Variants in FADS3 observed in about 807,000 individuals in gnomAD.
The protein encoded by FADS3 is cytochrome b5-related protein.
FADS3 carries 30 observed loss-of-function variants against 60.4 expected under a neutral mutation model. The ratio of observed to expected loss-of-function variants is 0.50; its 90% CI spans 0.37 to 0.67. The LOEUF (loss-of-function observed/expected upper bound fraction) is 0.67. Among genes scored for constraint, FADS3 ranks in the 30% least tolerant of loss-of-function variants. The probability of loss-of-function intolerance (pLI) is 0.00; values close to 1 mark genes in which losing one functional copy is unlikely to be tolerated. For synonymous variants in FADS3, 234 were observed against 249.3 expected (o/e 0.94, Z 0.58); for missense variants, 432 against 598.3 (o/e 0.72, Z 2.90).
intron 2 of FADS3, 62 bp from the exon 3 acceptor site, chr11:61,879,571 G>T: frequency 1.4e-5 from 21 of 1,487,722 alleles, no homozygotes; most frequent in Non-Finnish European, 1.9e-5. Context: ...CATTCTCCTG[G>T]AGCCCCAGCC....
chr11:61,878,479 A>G, intron 5 of FADS3, 33 bp downstream of exon 5: 1 of 1,607,186 alleles, frequency 6.2e-7, no homozygotes, highest in Non-Finnish European at 8.5e-7. Flanking sequence ...CTGCAGGCCC[A>G]GCCAGAGGTT....
Position 61,879,571 on chromosome 11 carries a change from G to A in FADS3, c.325-62C>T. The stretch of plus-strand genomic sequence containing the variant: ...ATTCCTCCCCACCCCCATTCTCCTG[G>A]AGCCCCAGCCGCTCCTCCCATCGCC... On this transcript the variant is annotated intron_variant, in intron 2 of 11. Coordinates refer to ENST00000278829, the MANE Select transcript of FADS3 (RefSeq NM_021727.5). The A allele has an allele frequency of 3.4e-6, 5 of 1,487,722 alleles. No homozygotes were observed. The South Asian group carries it at 4.8e-5, about 14-fold the overall frequency. 92.2% of individuals were successfully genotyped at this position (1,487,722 alleles called of 1,614,324 possible).
At position 61,876,139 on chromosome 11, in the gene FADS3, C is replaced by T. The variant is rs1453440729; in HGVS notation, c.1132G>A (p.Gly378Arg). 3.7e-6 allele frequency: 6 copies of T among 1,609,870 alleles called. No individual in the cohort carries two copies. Among genetic ancestry groups the T allele is most frequent in the African/African-American group, 2.7e-5 (2 of 74,992 alleles). Residue 378 changes from glycine to arginine, a missense_variant, in exon 10 of 12, where the codon GGG becomes AGG. By Grantham distance (125) the Gly-to-Arg change is moderately radical (BLOSUM62 -2). Transcript: ENST00000278829. The surrounding 1 kb of genome is among the most constrained non-coding windows in gnomAD (Gnocchi z 5.7). Reference protein sequence around the residue: ...EPSLFTNWFSGHLNFQIEHHL... With the variant: ...EPSLFTNWFSRHLNFQIEHHL... The stretch of plus-strand genomic sequence containing the variant: ...TGCTCGATCTGGAAGTTGAGGTGCC[C>T]GCTGAACCAGTTGGTGAAAAGTGAG...
chr11:61,877,343 CCTG>C lies in FADS3; in HGVS notation c.885+165_885+167del. 1 of 444,106 alleles carries C rather than the reference CCTG, an allele frequency of 2.3e-6. No homozygotes were observed. The highest frequency in any genetic ancestry group is 4.2e-6 in the Non-Finnish European group (1 of 237,282). The allele number at this position is 444,106 out of a possible 1,614,324, so 27.5% of individuals were successfully genotyped here. On this transcript the variant is annotated intron_variant, in intron 7 of 11. Transcript: ENST00000278829. This position sits in a 1 kb window ranked among gnomAD's most constrained non-coding sequence, Gnocchi z 4.7. Reference sequence around the variant, plus strand: ...GTACAGTCACGGGCACACTCGCTCTCCTGCTGCGCGCACACATGTGAGCCACAC... The same window carrying C: ...GTACAGTCACGGGCACACTCGCTCTCCTGCGCGCACACATGTGAGCCACAC...
chr11:61,889,844 T>C (rs756909334), intron 1 of FADS3, among the ~76,000 whole-genome samples: 1 of 152,078 alleles, frequency 6.6e-6, no homozygotes, highest in Admixed American at 6.5e-5. Flanking sequence ...TTTAAACAAA[T>C]AATAATAAAT....
intron 1 of FADS3, among the ~76,000 whole-genome samples, chr11:61,883,022 GC>G (rs1938190448): frequency 6.6e-6 from 1 of 152,082 alleles, no homozygotes; most frequent in African/African-American, 2.4e-5. Flanking sequence ...AAGCCACCAC[GC>G]CCAGCCAATT....
rs57423088 is a variant in FADS3 at position 61,879,527 on chromosome 11, C to T, written c.325-18G>A. ...AGCTGCGCCTGCCATAGCAGAGGGG[C>T]CGATCAGCCAAGGAAGAAATTCCTC... On this transcript the variant is annotated intron_variant, in intron 2 of 11. Coordinates refer to ENST00000278829, the MANE Select transcript of FADS3 (RefSeq NM_021727.5). 4.4e-3 allele frequency: 6,904 copies of T among 1,580,660 alleles called. 174 individuals carry two copies. The African/African-American group carries it at 0.067, about 15-fold the overall frequency.
intron 1 of FADS3, among the ~76,000 whole-genome samples, chr11:61,887,658 AT>A (rs1326460233): frequency 6.6e-6 from 1 of 152,206 alleles, no homozygotes; most frequent in Non-Finnish European, 1.5e-5. Flanking sequence ...GCTCTAGCTG[AT>A]CCCTCTGCTG....
rs1189838990 is a variant in FADS3 at position 61,876,215 on chromosome 11, G to C, written c.1081-25C>G. 6.3e-7 allele frequency: 1 copy of C among 1,586,704 alleles called. No individual in the cohort carries two copies. The highest frequency in any genetic ancestry group is 1.3e-5 in the African/African-American group (1 of 74,346). ...GCTGCCGGAAGCCGGCGGGGCACAT[G>C]TGAGGAGGCCGTTGCAGATCCCTGA... On this transcript the variant is annotated intron_variant, in intron 9 of 11. Transcript: ENST00000278829. The surrounding 1 kb of genome is among the most constrained non-coding windows in gnomAD (Gnocchi z 5.7).
Position 61,877,760 on chromosome 11 carries a change from T to C in FADS3, c.809-173A>G. The stretch of plus-strand genomic sequence containing the variant: ...ATTCTGTGTCCAAGCCTCCCCAGGC[T>C]GCCCTTACCCCACCACCTCCCACCA... On this transcript the variant is annotated intron_variant, in intron 6 of 11. Transcript: ENST00000278829. This position sits in a 1 kb window ranked among gnomAD's most constrained non-coding sequence, Gnocchi z 4.7. The C allele has an allele frequency of 1.6e-6, 1 of 640,826 alleles. No individual in the cohort carries two copies. The highest frequency in any genetic ancestry group is 2.7e-6 in the Non-Finnish European group (1 of 364,366). 39.7% of individuals were successfully genotyped at this position (640,826 alleles called of 1,614,324 possible).
intron 11 of FADS3, among the ~76,000 whole-genome samples, chr11:61,874,753 C>A (rs368676853): frequency 2.0e-5 from 3 of 152,104 alleles, no homozygotes; most frequent in Admixed American, 6.5e-5. Context: ...CCTGCTCACA[C>A]GTCAGCCTGT....
chr11:61,878,242 C>G (rs1204601239), intron 5 of FADS3, 27 bp from the exon 6 acceptor site: 41 of 1,610,892 alleles, frequency 2.5e-5, no homozygotes, highest in Non-Finnish European at 3.5e-5. Context: ...CGGCTGGAGA[C>G]AGCAGCTCTC....
chr11:61,874,016 G>A, intron 11 of FADS3, 151 bp from the exon 12 acceptor site: 1 of 607,806 alleles, frequency 1.6e-6, no homozygotes, highest in Non-Finnish European at 3.0e-6. Context: ...GGGCTGGAGG[G>A]TGGGTTGGGA....
In FADS3 at chr11:61,878,879, G is replaced by A. The variant is rs774599965; in HGVS notation, c.523-32C>T. ...AGAGAGGCAGGGTCAGAAGCTGTTG[G>A]GAAGGACGGAGCCCGCCAGGGCCTG... On this transcript the variant is annotated intron_variant, in intron 3 of 11. Transcript: ENST00000278829. The A allele has an allele frequency of 1.2e-5, 20 of 1,601,574 alleles. No homozygotes were observed. The South Asian group carries it at 1.8e-4, about 14-fold the overall frequency.
chr11:61,891,043 G>A lies in FADS3; in HGVS notation c.213+126C>T, dbSNP rs1364056383. On this transcript the variant is annotated intron_variant, in intron 1 of 11. Transcript: ENST00000278829. ...GTCCACCCCAACTCTGGGTCCCGGC[G>A]TGGAGGTCAAAGGTCAGCGAGGGGA... is the stretch of plus-strand genomic sequence containing the variant. 7.1e-6 allele frequency: 6 copies of A among 843,098 alleles called. No homozygotes were observed. The East Asian group carries it at 1.4e-4, about 19-fold the overall frequency. 52.2% of individuals were successfully genotyped at this position (843,098 alleles called of 1,614,324 possible). A position where few individuals can be genotyped will look rare whatever the true frequency, so the allele number is the denominator to read the frequency against.
At chr11:61,891,893 C>G (rs894187756), upstream of FADS3, 1 of 152,268 alleles carries the variant, frequency 6.6e-6, no homozygotes, top group Non-Finnish European at 1.5e-5. Flanking sequence ...GCCACGCCCT[C>G]GGGAACCGGA....
intron 1 of FADS3, 91 bp from the exon 2 acceptor site, chr11:61,880,242 G>T: frequency 1.0e-6 from 1 of 1,004,928 alleles, no homozygotes; most frequent in Non-Finnish European, 1.5e-6. Flanking sequence ...ACTACGGATG[G>T]ATGGGCAGAG....
At position 61,873,744 on chromosome 11, in the gene FADS3, A is replaced by C; in HGVS notation, c.*70T>G. 3.5e-6 allele frequency: 4 copies of C among 1,153,188 alleles called. No individual in the cohort carries two copies. The highest frequency in any genetic ancestry group is 5.1e-6 in the Non-Finnish European group (4 of 779,888). The allele number at this position is 1,153,188 out of a possible 1,614,324, so 71.4% of individuals were successfully genotyped here. ...GGCTGGCCAGTGGAGGGGTGAGGGT[A>C]TCGATCCCGCCGGGGGCTGGCTTGG... is the stretch of plus-strand genomic sequence containing the variant. On this transcript the variant is annotated 3_prime_UTR_variant, in exon 12 of 12. Coordinates refer to ENST00000278829, the MANE Select transcript of FADS3 (RefSeq NM_021727.5).
At chr11:61,890,999 C>T (rs1938485801) in intron 1 of FADS3, among the ~76,000 whole-genome samples, 170 bp downstream of exon 1, 2 of 152,330 alleles carry the variant, frequency 1.3e-5, no homozygotes, top group Non-Finnish European at 2.9e-5. Context: ...CCTCCCTACC[C>T]CACATCTGGC....
Sources: gnomAD v4.1 joint callset for allele counts (sites outside exome capture counted in the v4.1 genomes callset) on GRCh38, gnomAD v4.1.1 for gene constraint, Gnocchi (gnomAD v3.1) non-coding constraint, MANE v1.5 for transcripts, NCBI Gene and HGNC (gene_info 2026-07-23, HGNC 2026-07-21) for gene names.